ZPLD1: variants seen among roughly 807,000 people sequenced by gnomAD.
The protein encoded by ZPLD1 is zona pellucida like domain containing 1.
ZPLD1 carries 34 observed loss-of-function variants against 47.2 expected under a neutral mutation model. The observed-to-expected ratio is 0.72, with a 90% CI of 0.55 to 0.96. ZPLD1 has a LOEUF of 0.96. Ranked by LOEUF, ZPLD1 falls within the 40% of genes least tolerant of loss-of-function variation. The pLI is 0.00. For missense variants in ZPLD1, 512 were observed against 505.8 expected (o/e 1.01, Z -0.12); for synonymous variants, 176 against 186.2 (o/e 0.95, Z 0.45).
chr3:102,425,802 T>C (rs1336843615), intron 8 of ZPLD1, among the ~76,000 whole-genome samples: 1 of 151,844 alleles, frequency 6.6e-6, no homozygotes, highest in Non-Finnish European at 1.5e-5. Flanking sequence ...TTCTCCAATA[T>C]CTTGACAACA....
chr3:102,397,929 C>G (rs1250912541), intron 7 of ZPLD1, among the ~76,000 whole-genome samples: 5 of 152,064 alleles, frequency 3.3e-5, no homozygotes, highest in Non-Finnish European at 7.4e-5. Flanking sequence ...TTTACTTGTT[C>G]TAAAGATGTG....
intron 6 of ZPLD1, 117 bp from the exon 7 acceptor site, chr3:102,462,164 T>C (rs1707515411): frequency 3.4e-6 from 2 of 593,592 alleles, no homozygotes. Flanking sequence ...TTTGGATTGA[T>C]TCTGTAGGTT....
intron 8 of ZPLD1, among the ~76,000 whole-genome samples, chr3:102,421,977 T>C (rs1226929071): frequency 6.6e-6 from 1 of 152,030 alleles, no homozygotes; most frequent in Non-Finnish European, 1.5e-5. Flanking sequence ...ATAGATTGAT[T>C]TGATGATTTT....
intron 7 of ZPLD1, among the ~76,000 whole-genome samples, chr3:102,403,888 A>G (rs544171250): frequency 6.8e-6 from 1 of 147,290 alleles, no homozygotes; most frequent in African/African-American, 2.4e-5. Flanking sequence ...CTACAGATGA[A>G]CAAGACCTTA....
At chr3:102,472,053 G>C (rs72942863) in intron 10 of ZPLD1, among the ~76,000 whole-genome samples, 1 of 152,160 alleles carries the variant, frequency 6.6e-6, no homozygotes, top group African/African-American at 2.4e-5. Context: ...GCAAAAAGTG[G>C]TTTTGGCCCA....
intron 7 of ZPLD1, among the ~76,000 whole-genome samples, chr3:102,398,135 A>G (rs1706577918): frequency 6.6e-6 from 1 of 152,126 alleles, no homozygotes; most frequent in Non-Finnish European, 1.5e-5. Context: ...ATTTTAGAAA[A>G]AATTGAAAAT....
At position 102,452,948 on chromosome 3, in the gene ZPLD1, G is replaced by A. The variant is rs1369783484; in HGVS notation, c.136G>A (p.Val46Met). The change falls in exon 4 of 12, where the codon GTG becomes ATG. Residue 46 changes from valine to methionine, a missense_variant. Val to Met is a conservative substitution (Grantham distance 21). Transcript: ENST00000466937. ...AERDISVYCG[V>M]QAITMKINFC... ...AAGAGACATCAGTGTCTATTGTGGA[G>A]TGCAGGCTATTACGATGAAGATTAA... The A allele has an allele frequency of 1.2e-6, 2 of 1,613,914 alleles. No homozygotes were observed. The highest frequency in any genetic ancestry group is 2.7e-5 in the African/African-American group (2 of 74,882).
chr3:102,453,248 T>C (rs1707366694), intron 4 of ZPLD1, 109 bp downstream of exon 4: 1 of 997,600 alleles, frequency 1.0e-6, no homozygotes, highest in African/African-American at 1.6e-5. Context: ...AAAAATAAAA[T>C]TGAACAAATC....
At chr3:102,386,021 T>A (rs1706420688) in intron 6 of ZPLD1, among the ~76,000 whole-genome samples, 1 of 152,202 alleles carries the variant, frequency 6.6e-6, no homozygotes, top group Non-Finnish European at 1.5e-5. Context: ...ACCGGTAGTG[T>A]CTCTGTGTTG....
Position 102,453,134 on chromosome 3 carries a change from C to A in ZPLD1, c.322C>A (p.Leu108Met), listed in dbSNP as rs1344677971. 1.2e-6 allele frequency: 2 copies of A among 1,613,616 alleles called. No homozygotes were observed. Among genetic ancestry groups the A allele is most frequent in the Non-Finnish European group, 1.7e-6 (2 of 1,179,812 alleles). ...LSTLEGCGNN[L>M]VVSTIPGVSA... is the part of the protein sequence containing the mutation. ...CACCTTGGAGGGCTGTGGAAACAACCTGGTGGTAAGATTAGTGTGACATTG... is the reference window on the plus strand; with the variant it reads ...CACCTTGGAGGGCTGTGGAAACAACATGGTGGTAAGATTAGTGTGACATTG... Residue 108 changes from leucine (L) to methionine (M), a missense_variant, in exon 4 of 12, where the codon CTG (leucine) becomes ATG (methionine). Transcript: ENST00000466937.
intron 6 of ZPLD1, among the ~76,000 whole-genome samples, chr3:102,458,869 C>T (rs1707460498): frequency 6.6e-6 from 1 of 152,000 alleles, no homozygotes; most frequent in Non-Finnish European, 1.5e-5. Context: ...GCGGGTGGAT[C>T]ACGAGGTCAG....
At chr3:102,461,315 G>T (rs567579726) in intron 6 of ZPLD1, among the ~76,000 whole-genome samples, 170 of 151,844 alleles carry the variant, frequency 1.1e-3, no homozygotes, top group African/African-American at 3.9e-3. Context: ...AATTTGGAGG[G>T]TTTTTTTGGT....
chr3:102,415,192 C>T (rs1028353495), intron 7 of ZPLD1, among the ~76,000 whole-genome samples: 7 of 151,672 alleles, frequency 4.6e-5, no homozygotes, highest in East Asian at 1.9e-4. Context: ...AAGAGTATCT[C>T]GACTACAACT....
At chr3:102,386,613 T>C (rs1706427802) in intron 6 of ZPLD1, among the ~76,000 whole-genome samples, 2 of 152,128 alleles carry the variant, frequency 1.3e-5, no homozygotes, top group African/African-American at 4.8e-5. Flanking sequence ...TAAGATAAAA[T>C]GTTATCTAAA....
chr3:102,463,627 A>C (rs1184868466), intron 7 of ZPLD1, among the ~76,000 whole-genome samples: 1 of 152,174 alleles, frequency 6.6e-6, no homozygotes, highest in South Asian at 2.1e-4. Context: ...TTTATGGGGT[A>C]CTTGAGATGT....
intron 6 of ZPLD1, among the ~76,000 whole-genome samples, chr3:102,387,128 T>C (rs1330427967): frequency 6.6e-6 from 1 of 152,192 alleles, no homozygotes; most frequent in African/African-American, 2.4e-5. Context: ...CATTCTTTCC[T>C]GTAAATTAAC....
chr3:102,427,332 T>G (rs1340606940), intron 8 of ZPLD1, among the ~76,000 whole-genome samples: 2 of 152,126 alleles, frequency 1.3e-5, no homozygotes, highest in African/African-American at 2.4e-5. Flanking sequence ...AGGGCTAATG[T>G]TTTTCTTTAG....
chr3:102,434,910 TA>T, upstream of ZPLD1: 1 of 543,200 alleles, frequency 1.8e-6, no homozygotes, highest in Non-Finnish European at 3.3e-6. Context: ...GAAACTCCAC[TA>T]AACCTTTATA....
At chr3:102,468,848 G>A in intron 8 of ZPLD1, 116 bp from the exon 9 acceptor site, 1 of 951,532 alleles carries the variant, frequency 1.1e-6, no homozygotes, top group Non-Finnish European at 1.6e-6. Flanking sequence ...ACGTGGCATG[G>A]TTCTGTTAGC....
Sources: gnomAD v4.1 joint callset for allele counts (sites outside exome capture counted in the v4.1 genomes callset) on GRCh38, gnomAD v4.1.1 for gene constraint, MANE v1.5 for transcripts, NCBI Gene and HGNC (gene_info 2026-07-23, HGNC 2026-07-21) for gene names.